Variants in SLC44A5 observed in about 807,000 individuals in gnomAD.
The protein encoded by SLC44A5 is solute carrier family 44 member 5, also known as choline transporter-like protein 5.
A neutral mutation model predicts 101.8 loss-of-function variants in SLC44A5; 57 were observed. The ratio of observed to expected loss-of-function variants is 0.56; its 90% CI spans 0.45 to 0.70. SLC44A5 has a LOEUF of 0.70. SLC44A5 is among the 30% of genes least tolerant of loss of function. The pLI is 0.00. For missense variants in SLC44A5, 737 were observed against 853.1 expected (o/e 0.86, Z 1.70); for synonymous variants, 281 against 290.9 (o/e 0.97, Z 0.35).
intron 3 of SLC44A5, among the ~76,000 whole-genome samples, chr1:75,355,789 T>C (rs1052221861): frequency 6.6e-6 from 1 of 152,188 alleles, no homozygotes; most frequent in Non-Finnish European, 1.5e-5. Flanking sequence ...ACACATACAA[T>C]TATTTACAGC....
chr1:75,294,796 G>A (rs1002744860), intron 5 of SLC44A5, among the ~76,000 whole-genome samples: 13 of 152,218 alleles, frequency 8.5e-5, no homozygotes, highest in Middle Eastern at 3.4e-3. Flanking sequence ...AAAGTATTGC[G>A]TGATCTCCTT....
intron 5 of SLC44A5, among the ~76,000 whole-genome samples, chr1:75,292,707 A>C (rs1056683789): frequency 3.3e-5 from 5 of 152,152 alleles, no homozygotes; most frequent in African/African-American, 1.2e-4. Flanking sequence ...TATCCCCCAA[A>C]CTGTTCTTGG....
At chr1:75,297,553 G>C (rs545842982) in intron 5 of SLC44A5, among the ~76,000 whole-genome samples, 1 of 152,288 alleles carries the variant, frequency 6.6e-6, no homozygotes, top group East Asian at 1.9e-4. Context: ...CATAAATGCT[G>C]GGGTTATAGG....
At chr1:75,340,969 T>C (rs1289936619) in intron 3 of SLC44A5, among the ~76,000 whole-genome samples, 1 of 152,246 alleles carries the variant, frequency 6.6e-6, no homozygotes, top group Non-Finnish European at 1.5e-5. Context: ...TTTCATGAGA[T>C]ACCTTATAGT....
rs12750529 is a variant in SLC44A5 at position 75,348,923 on chromosome 1, A to G, written c.53-9293T>C. 3.4e-3 allele frequency among the ~76,000 whole-genome samples: 519 copies of G among 152,368 alleles called. 5 individuals are homozygous for G. The highest frequency in any genetic ancestry group is 3.8e-3 in the Non-Finnish European group (261 of 68,036). ...AAGAAACGAAAGTCACAGCAAATGA[A>G]ATGTAAAACTCGGTAGATAAATTTG... On this transcript the variant is annotated intron_variant, in intron 3 of 23. Transcript: ENST00000370859.
At chr1:75,520,907 A>T (rs543348827) in intron 2 of SLC44A5, among the ~76,000 whole-genome samples, 2 of 152,250 alleles carry the variant, frequency 1.3e-5, no homozygotes, top group South Asian at 4.1e-4. Context: ...TTTAGACAAC[A>T]CTGTCATATG....
chr1:75,683,862 A>C, the SLC44A5 span, among the ~76,000 whole-genome samples: 2 of 152,160 alleles, frequency 1.3e-5, no homozygotes, highest in Non-Finnish European at 2.9e-5. Context: ...ATTGAAAATA[A>C]AGGGATGGAA....
At position 75,234,040 on chromosome 1, in the gene SLC44A5, C is replaced by A; in HGVS notation, c.799G>T (p.Ala267Ser). 6.2e-7 allele frequency: 1 copy of A among 1,613,550 alleles called. No individual in the cohort carries two copies. Among genetic ancestry groups the A allele is most frequent in the Non-Finnish European group, 8.5e-7 (1 of 1,179,684 alleles). The change falls in exon 12 of 24, where the codon GCT becomes TCT. Residue 267 changes from alanine to serine, a missense_variant. This residue lies in a region of SLC44A5 where 665 missense variants were observed against 764.4 expected (regional missense o/e 0.87). Transcript: ENST00000370859. ...WIFLILLRFI[A>S]GCLFWVFMIG... ...ATGAAGACCCAGAAGAGGCATCCAG[C>A]TATGAACCTCAGAAGTATCAAAAAT...
chr1:75,203,812 T>A lies in SLC44A5; in HGVS notation c.2069A>T (p.Asp690Val). ...ICFLEDLERN[D>V]GSTARPYYVS... The stretch of plus-strand genomic sequence containing the variant: ...ATAATAAGGTCTTGCAGTAGAACCA[T>A]CATTTCTTTCTAAATCTTCCACTAG... Residue 690 changes from aspartate (D) to valine (V), a missense_variant, in exon 24 of 24, where the codon GAT (aspartate) becomes GTT (valine). This residue lies in a region of SLC44A5 where 61 missense variants were observed against 56.5 expected (regional missense o/e 1.08). Coordinates refer to ENST00000370859, the MANE Select transcript of SLC44A5 (RefSeq NM_001130058.2). 1 of 1,548,836 alleles carries A rather than the reference T, an allele frequency of 6.5e-7. No individual in the cohort carries two copies. The highest frequency in any genetic ancestry group is 1.2e-5 in the South Asian group (1 of 83,384).
chr1:75,443,025 A>G (rs1665297169), intron 2 of SLC44A5, among the ~76,000 whole-genome samples: 1 of 152,210 alleles, frequency 6.6e-6, no homozygotes, highest in African/African-American at 2.4e-5. Context: ...GAATTGATTA[A>G]TAAACTATTG....
At chr1:75,355,818 T>C (rs1458769445) in intron 3 of SLC44A5, among the ~76,000 whole-genome samples, 1 of 152,182 alleles carries the variant, frequency 6.6e-6, no homozygotes, top group East Asian at 1.9e-4. Flanking sequence ...TTGATGATAA[T>C]AAATGACTAT....
At chr1:75,597,655 C>CTT (rs1420242677) in intron 1 of SLC44A5, among the ~76,000 whole-genome samples, 5 of 152,188 alleles carry the variant, frequency 3.3e-5, no homozygotes, top group African/African-American at 9.6e-5. Context: ...ACACCTACAA[C>CTT]TGTCTGATCT....
intron 2 of SLC44A5, among the ~76,000 whole-genome samples, chr1:75,485,293 G>A (rs1668093875): frequency 6.6e-6 from 1 of 152,142 alleles, no homozygotes; most frequent in African/African-American, 2.4e-5. Flanking sequence ...AGAAAAAGCT[G>A]GAATGCTTTG....
chr1:75,211,654 C>T (rs1270825358), intron 22 of SLC44A5, 102 bp from the exon 23 acceptor site: 4 of 824,080 alleles, frequency 4.9e-6, no homozygotes, highest in Non-Finnish European at 7.9e-6. Flanking sequence ...TTTTGAAGTA[C>T]TCTGTATGGG....
At chr1:75,631,428 A>G in the SLC44A5 span, among the ~76,000 whole-genome samples, 1 of 151,980 alleles carries the variant, frequency 6.6e-6, no homozygotes. Flanking sequence ...ACTGGAGTGC[A>G]GCAGCCTAAT....
intron 4 of SLC44A5, among the ~76,000 whole-genome samples, chr1:75,303,893 A>C (rs1654701255): frequency 1.3e-5 from 2 of 152,180 alleles, no homozygotes; most frequent in Admixed American, 6.5e-5. Context: ...AACATGGCGC[A>C]TGTATACATA....
intron 5 of SLC44A5, among the ~76,000 whole-genome samples, chr1:75,283,866 T>C (rs1218499594): frequency 6.6e-6 from 1 of 152,172 alleles, no homozygotes. Flanking sequence ...TGCCTATTTT[T>C]ATAGCAGTAC....
chr1:75,294,856 G>A (rs1012827539), intron 5 of SLC44A5, among the ~76,000 whole-genome samples: 1 of 152,086 alleles, frequency 6.6e-6, no homozygotes, highest in Non-Finnish European at 1.5e-5. Context: ...AGAGCAGAAC[G>A]GTAGGTGCCA....
intron 2 of SLC44A5, among the ~76,000 whole-genome samples, chr1:75,400,510 C>T (rs530467123): frequency 3.3e-5 from 5 of 152,252 alleles, no homozygotes; most frequent in East Asian, 3.9e-4. Flanking sequence ...TTTTTAAGTA[C>T]GACCTTTACT....
Sources: gnomAD v4.1 joint callset for allele counts (sites outside exome capture counted in the v4.1 genomes callset) on GRCh38, gnomAD v4.1.1 for gene constraint, gnomAD v4.1.1 regional missense constraint, MANE v1.5 for transcripts, NCBI Gene and HGNC (gene_info 2026-07-23, HGNC 2026-07-21) for gene names.